UNC5D: variants seen among roughly 807,000 people sequenced by gnomAD.
The protein encoded by UNC5D is unc-5 netrin receptor D.
A neutral mutation model predicts 105.4 loss-of-function variants in UNC5D; 39 were observed. That is an observed-to-expected ratio of 0.37 (90% confidence interval 0.29 to 0.48). The LOEUF is 0.48. Among genes scored for constraint, UNC5D ranks in the 20% least tolerant of loss-of-function variants. UNC5D has a pLI of 0.98. For missense variants in UNC5D, 991 were observed against 1,202.4 expected, an observed-to-expected ratio of 0.82 and a Z score of 2.60; for synonymous variants, 452 against 450.4, an observed-to-expected ratio of 1.00 and a Z score of -0.04.
intron 1 of UNC5D, among the ~76,000 whole-genome samples, chr8:35,384,228 A>C (rs1803237678): frequency 6.6e-6 from 1 of 151,890 alleles, no homozygotes; most frequent in South Asian, 2.1e-4. Flanking sequence ...CAAAAAAAAA[A>C]AACAAAAAAA....
intron 1 of UNC5D, among the ~76,000 whole-genome samples, chr8:35,479,106 A>T (rs1810309022): frequency 6.6e-6 from 1 of 152,180 alleles, no homozygotes; most frequent in African/African-American, 2.4e-5. Flanking sequence ...AAGTTTGCTC[A>T]TACAGGCTTT....
rs539511288 is a variant in UNC5D, at chr8:35,667,753, C to T, written c.571-15794C>T. The stretch of plus-strand genomic sequence containing the variant: ...CTGCTTTTTATGCTCAAGAATGTCC[C>T]GTGGAGATATTTCCAATTCTATTAC... On this transcript the variant is annotated intron_variant, in intron 4 of 16. Transcript: ENST00000404895. Among the ~76,000 whole-genome samples, 4 of 152,186 alleles carry T rather than the reference C, an allele frequency of 2.6e-5. No individual in the cohort carries two copies. In the South Asian group the frequency reaches 6.2e-4, roughly 24 times the overall value.
intron 4 of UNC5D, among the ~76,000 whole-genome samples, chr8:35,656,463 A>G (rs541134388): frequency 6.6e-6 from 1 of 152,212 alleles, no homozygotes; most frequent in East Asian, 1.9e-4. Context: ...ATTAAATATT[A>G]TTTTCCCCAT....
At chr8:35,538,220 G>A (rs919876497) in intron 1 of UNC5D, among the ~76,000 whole-genome samples, 8 of 151,252 alleles carry the variant, frequency 5.3e-5, no homozygotes, top group Admixed American at 1.3e-4. Flanking sequence ...GTATCATGGG[G>A]CAGAAGGAAA....
chr8:35,452,022 T>C (rs182082855), intron 1 of UNC5D, among the ~76,000 whole-genome samples: 2 of 152,306 alleles, frequency 1.3e-5, no homozygotes, highest in East Asian at 3.9e-4. Context: ...AAAGCTTGTA[T>C]GTGTTACTTC....
chr8:35,470,329 A>G (rs1809611284), intron 1 of UNC5D, among the ~76,000 whole-genome samples: 1 of 152,162 alleles, frequency 6.6e-6, no homozygotes, highest in Non-Finnish European at 1.5e-5. Flanking sequence ...ATTCATTAAC[A>G]TAACAAACAT....
intron 4 of UNC5D, among the ~76,000 whole-genome samples, chr8:35,613,156 C>A (rs1341396817): frequency 6.6e-6 from 1 of 152,202 alleles, no homozygotes; most frequent in Non-Finnish European, 1.5e-5. Flanking sequence ...CAGTTCACTG[C>A]AACCTCTGCC....
chr8:35,564,665 T>C (rs1011031281), intron 2 of UNC5D, among the ~76,000 whole-genome samples: 3 of 152,140 alleles, frequency 2.0e-5, no homozygotes, highest in Non-Finnish European at 4.4e-5. Context: ...TGTATACTAG[T>C]GAAGTCTGGG....
At chr8:35,267,627 C>T (rs537611811) in intron 1 of UNC5D, among the ~76,000 whole-genome samples, 8 of 152,084 alleles carry the variant, frequency 5.3e-5, no homozygotes, top group African/African-American at 1.4e-4. Context: ...TCAGTAGAGA[C>T]GGGGTTTCAC....
chr8:35,686,513 C>G lies in UNC5D; in HGVS notation c.920-32C>G. 4 of 1,530,062 alleles carry G rather than the reference C, an allele frequency of 2.6e-6. No individual in the cohort carries two copies. In the South Asian group the frequency reaches 5.1e-5, roughly 20 times the overall value. 94.8% of individuals were successfully genotyped at this position (1,530,062 alleles called of 1,614,324 possible). A position where few individuals can be genotyped will look rare whatever the true frequency, so the allele number is the denominator to read the frequency against. On this transcript the variant is annotated intron_variant, in intron 6 of 16. Transcript: ENST00000404895. Reference sequence around the variant, plus strand: ...TCTCCTGACCGCTACTTGATTCATTCTAACAATGGTTTCTTTTGTTTCCCT... The same window carrying G: ...TCTCCTGACCGCTACTTGATTCATTGTAACAATGGTTTCTTTTGTTTCCCT...
chr8:35,505,336 G>A lies in UNC5D; in HGVS notation c.104-43956G>A, dbSNP rs1238563518. Among the ~76,000 whole-genome samples, 7 of 152,282 alleles carry A rather than the reference G, an allele frequency of 4.6e-5. No homozygotes were observed. In the East Asian group the frequency reaches 1.2e-3, roughly 25 times the overall value. ...AATTATGGGATTACTTTGGAGATAC[G>A]AAAAAGAAAATAGGTCTTAGTACAA... is the stretch of plus-strand genomic sequence containing the variant. On this transcript the variant is annotated intron_variant, in intron 1 of 16. Transcript: ENST00000404895.
At chr8:35,488,094 C>A (rs181696613) in intron 1 of UNC5D, among the ~76,000 whole-genome samples, 3 of 152,290 alleles carry the variant, frequency 2.0e-5, no homozygotes, top group Admixed American at 2.0e-4. Context: ...TTGGAAAATT[C>A]TCAGCCTATC....
chr8:35,339,123 T>C (rs1811268976), intron 1 of UNC5D, among the ~76,000 whole-genome samples: 1 of 152,200 alleles, frequency 6.6e-6, no homozygotes, highest in African/African-American at 2.4e-5. Context: ...TATATTGGCA[T>C]TGGGACCTAA....
At chr8:35,471,952 C>T (rs1809761392) in intron 1 of UNC5D, among the ~76,000 whole-genome samples, 1 of 151,118 alleles carries the variant, frequency 6.6e-6, no homozygotes, top group African/African-American at 2.5e-5. Context: ...AAGCAGATAT[C>T]TCAGTGTTTT....
At chr8:35,568,548 G>A (rs1817513178) in intron 3 of UNC5D, among the ~76,000 whole-genome samples, 1 of 152,148 alleles carries the variant, frequency 6.6e-6, no homozygotes, top group Admixed American at 6.5e-5. Flanking sequence ...AATTAGCTAG[G>A]TGTGGTGGTG....
intron 7 of UNC5D, among the ~76,000 whole-genome samples, chr8:35,688,262 C>A (rs1826160876): frequency 6.6e-6 from 1 of 151,244 alleles, no homozygotes; most frequent in East Asian, 1.9e-4. Flanking sequence ...AAAAAAGATA[C>A]CATAGCTTAC....
chr8:35,790,535 T>G lies in UNC5D; in HGVS notation c.2834T>G (p.Phe945Cys). The change falls in exon 17 of 17, where the codon TTC becomes TGC. Residue 945 changes from phenylalanine (F) to cysteine (C), a missense_variant. By Grantham distance (205) the Phe-to-Cys change is radical. Transcript: ENST00000404895. ...ISESQLDEAD[F>C]NYSRQNGL ...GAATCCCAGCTTGATGAAGCCGACT[T>G]CAACTACAGCAGGCAAAATGGACTC... 6.2e-7 allele frequency: 1 copy of G among 1,613,784 alleles called. No individual in the cohort carries two copies. The highest frequency in any genetic ancestry group is 8.5e-7 in the Non-Finnish European group (1 of 1,179,834).
At chr8:35,271,363 G>A (rs374033493) in intron 1 of UNC5D, among the ~76,000 whole-genome samples, 10 of 99,692 alleles carry the variant, frequency 1.0e-4, no homozygotes, top group African/African-American at 3.7e-4. Flanking sequence ...GCATACACAC[G>A]TGCACGTGTG....
At chr8:35,333,190 T>C (rs1810758897) in intron 1 of UNC5D, among the ~76,000 whole-genome samples, 1 of 151,998 alleles carries the variant, frequency 6.6e-6, no homozygotes, top group African/African-American at 2.4e-5. Flanking sequence ...TTTAAAAAAT[T>C]AGCTGGCTGT....
Sources: gnomAD v4.1 joint callset for allele counts (sites outside exome capture counted in the v4.1 genomes callset) on GRCh38, gnomAD v4.1.1 for gene constraint, MANE v1.5 for transcripts, NCBI Gene and HGNC (gene_info 2026-07-23, HGNC 2026-07-21) for gene names.